NOL4L: variants seen among roughly 807,000 people sequenced by gnomAD.
The protein encoded by NOL4L is nucleolar protein 4 like, also known as nucleolar protein 4-like.
A neutral mutation model predicts 64.5 loss-of-function variants in NOL4L; 7 were observed. That is an observed-to-expected ratio of 0.11 (90% CI 0.06 to 0.20). NOL4L has a LOEUF of 0.20. NOL4L is among the 10% of genes least tolerant of loss of function. NOL4L has a pLI of 1.00. For missense variants in NOL4L, 680 were observed against 967.1 expected (o/e 0.70, Z 3.94); for synonymous variants, 413 against 401.0 (o/e 1.03, Z -0.36).
In NOL4L at chr20:32,585,140, C is replaced by T. The variant is rs1980807000; in HGVS notation, c.-250G>A. 1.3e-5 allele frequency: 2 copies of T among 151,154 alleles called. No individual in the cohort carries two copies. The highest frequency in any genetic ancestry group is 4.9e-5 in the African/African-American group (2 of 41,000). The allele number at this position is 151,154 out of a possible 1,614,324, so 9.4% of individuals were successfully genotyped here. ...GGCTCCGGCTCGCCTCCTGCTCCGC[C>T]TCCTCCTCCCCCCGGCCGGGATGCA... On this transcript the variant is annotated 5_prime_UTR_variant, in exon 1 of 11. Coordinates refer to ENST00000621426, the MANE Select transcript of NOL4L (RefSeq NM_001256798.2).
chr20:32,449,133 C>T (rs993216168), intron 10 of NOL4L, among the ~76,000 whole-genome samples: 1 of 152,202 alleles, frequency 6.6e-6, no homozygotes, highest in Non-Finnish European at 1.5e-5. Context: ...AAGAAACAGC[C>T]AAAGAAGAGA....
chr20:32,458,570 G>A (rs2013764969), intron 5 of NOL4L, among the ~76,000 whole-genome samples: 1 of 152,184 alleles, frequency 6.6e-6, no homozygotes, highest in South Asian at 2.1e-4. Flanking sequence ...CACCCATACT[G>A]GCTGGTTACC....
At chr20:32,467,727 A>G (rs1272050660) in intron 5 of NOL4L, among the ~76,000 whole-genome samples, 3 of 152,124 alleles carry the variant, frequency 2.0e-5, no homozygotes, top group Non-Finnish European at 2.9e-5. Flanking sequence ...GGCCAAGATG[A>G]TCACCCCCAG....
At chr20:32,530,280 G>A (rs1023237262) in intron 1 of NOL4L, among the ~76,000 whole-genome samples, 7 of 152,202 alleles carry the variant, frequency 4.6e-5, no homozygotes, top group African/African-American at 1.7e-4. Context: ...GGTGGCTCAC[G>A]CCTGTAATCC....
intron 1 of NOL4L, among the ~76,000 whole-genome samples, chr20:32,566,662 C>G (rs1342594755): frequency 1.3e-5 from 2 of 152,158 alleles, no homozygotes; most frequent in African/African-American, 4.8e-5. Flanking sequence ...GTATAATTTG[C>G]TCCTACGGGG....
rs201515115 is a variant in NOL4L, at chr20:32,501,681, CA to C, written c.699+9665del. 2.4e-3 allele frequency among the ~76,000 whole-genome samples: 351 copies of C among 147,200 alleles called. 11 individuals carry two copies. In the South Asian group the frequency reaches 0.063, roughly 27 times the overall value. On this transcript the variant is annotated intron_variant, in intron 4 of 10. Transcript: ENST00000621426. ...AAAACTGTTCTCAAAAATAGTCTATCAAAAAAAAAATGAAAACATAAAAATA... is the reference window on the plus strand; with the variant it reads ...AAAACTGTTCTCAAAAATAGTCTATCAAAAAAAAATGAAAACATAAAAATA...
intron 3 of NOL4L, among the ~76,000 whole-genome samples, chr20:32,512,102 G>T (rs979562945): frequency 3.9e-5 from 6 of 152,070 alleles, no homozygotes; most frequent in Non-Finnish European, 7.4e-5. Context: ...AGAACATAAG[G>T]TCTGGCCACA....
At chr20:32,468,652 G>A (rs945103898) in intron 5 of NOL4L, among the ~76,000 whole-genome samples, 44 of 152,152 alleles carry the variant, frequency 2.9e-4, no homozygotes, top group Non-Finnish European at 7.3e-5. Context: ...TGTAATCCCT[G>A]CATTTTGGGA....
chr20:32,540,430 A>G (rs185858279), intron 1 of NOL4L, among the ~76,000 whole-genome samples: 18 of 152,314 alleles, frequency 1.2e-4, no homozygotes, highest in Non-Finnish European at 2.1e-4. Context: ...AGTCTCACAC[A>G]CAATTACACG....
chr20:32,542,104 C>T (rs1004514024), intron 1 of NOL4L, among the ~76,000 whole-genome samples: 1 of 152,202 alleles, frequency 6.6e-6, no homozygotes, highest in African/African-American at 2.4e-5. Flanking sequence ...GGACACAGAG[C>T]TTCAGAATGG....
At chr20:32,562,301 C>T (rs1979075183) in intron 1 of NOL4L, among the ~76,000 whole-genome samples, 1 of 152,182 alleles carries the variant, frequency 6.6e-6, no homozygotes, top group South Asian at 2.1e-4. Flanking sequence ...ACTATCTCAA[C>T]CTCCCCGATT....
At chr20:32,489,737 G>A (rs1261101613) in intron 4 of NOL4L, among the ~76,000 whole-genome samples, 1 of 151,908 alleles carries the variant, frequency 6.6e-6, no homozygotes, top group Admixed American at 6.6e-5. Flanking sequence ...GTGAACCTGG[G>A]AGGCAGAGCT....
In NOL4L at chr20:32,491,012, CAT is replaced by C. The variant is rs567693595; in HGVS notation, c.700-16272_700-16271del. Among the ~76,000 whole-genome samples, 18 of 152,340 alleles carry C rather than the reference CAT, an allele frequency of 1.2e-4. No homozygotes were observed. In the South Asian group the frequency reaches 2.5e-3, roughly 21 times the overall value. Reference sequence around the variant, plus strand: ...CGACCCCTCCATGCCTTTGACCACACATGTTTTTAGGCCTGTGTTCCTTCCAC... The same window carrying C: ...CGACCCCTCCATGCCTTTGACCACACGTTTTTAGGCCTGTGTTCCTTCCAC... On this transcript the variant is annotated intron_variant, in intron 4 of 10. Transcript: ENST00000621426.
chr20:32,482,374 T>C (rs904529196), intron 4 of NOL4L, among the ~76,000 whole-genome samples: 4 of 152,116 alleles, frequency 2.6e-5, no homozygotes, highest in African/African-American at 9.7e-5. Context: ...TAATGAGAAC[T>C]TCCCCCAGGA....
chr20:32,458,453 CT>C (rs1244461801), intron 5 of NOL4L, among the ~76,000 whole-genome samples: 6 of 152,242 alleles, frequency 3.9e-5, no homozygotes, highest in Non-Finnish European at 8.8e-5. Flanking sequence ...CTCCCTTCCC[CT>C]GGCCCAGGGT....
At chr20:32,522,645 G>A (rs1268221234) in intron 2 of NOL4L, among the ~76,000 whole-genome samples, 1 of 152,210 alleles carries the variant, frequency 6.6e-6, no homozygotes, top group Non-Finnish European at 1.5e-5. Context: ...GAAGTCTGGG[G>A]GCACGTTCCT....
chr20:32,521,293 G>C (rs2017923924), intron 2 of NOL4L, among the ~76,000 whole-genome samples: 1 of 152,140 alleles, frequency 6.6e-6, no homozygotes, highest in Admixed American at 6.5e-5. Flanking sequence ...CCCTCTTAGA[G>C]ATGGATAGAC....
intron 4 of NOL4L, among the ~76,000 whole-genome samples, chr20:32,499,140 G>A (rs1182436526): frequency 6.6e-6 from 1 of 152,148 alleles, no homozygotes; most frequent in African/African-American, 2.4e-5. Context: ...GCCTCCCAAA[G>A]TGCTGGGATT....
At chr20:32,461,626 G>A (rs2145449136) in intron 5 of NOL4L, among the ~76,000 whole-genome samples, 1 of 151,232 alleles carries the variant, frequency 6.6e-6, no homozygotes, top group Admixed American at 6.6e-5. Flanking sequence ...GTTTCACCGT[G>A]TTAGCCAGGA....
Sources: gnomAD v4.1 joint callset for allele counts (sites outside exome capture counted in the v4.1 genomes callset) on GRCh38, gnomAD v4.1.1 for gene constraint, MANE v1.5 for transcripts, NCBI Gene and HGNC (gene_info 2026-07-23, HGNC 2026-07-21) for gene names.